TMC1: variants seen among roughly 807,000 people sequenced by gnomAD.
TMC1 encodes transmembrane channel-like protein 1.
Under a neutral mutation model 105.8 loss-of-function variants are expected in TMC1, and 84 were observed. The observed-to-expected ratio is 0.79, with a 90% CI of 0.67 to 0.95. The LOEUF (loss-of-function observed/expected upper bound fraction) is 0.95. TMC1 is among the 40% of genes least tolerant of loss of function. The pLI, the probability that TMC1 is intolerant of heterozygous loss-of-function variation, is 0.00. For synonymous variants in TMC1, 315 were observed against 311.5 expected, an observed-to-expected ratio of 1.01 and a Z score of -0.12; for missense variants, 817 against 914.1, an observed-to-expected ratio of 0.89 and a Z score of 1.37.
intron 1 of TMC1, among the ~76,000 whole-genome samples, chr9:72,554,320 C>T (rs1587953527): frequency 6.6e-6 from 1 of 152,252 alleles, no homozygotes. Context: ...AGCGTTGTTC[C>T]AGCTTACTGA....
chr9:72,588,775 A>ATTT (rs34222467), intron 2 of TMC1, among the ~76,000 whole-genome samples: 10 of 141,602 alleles, frequency 7.1e-5, no homozygotes, highest in Admixed American at 7.1e-5. Flanking sequence ...GAAAAACAAG[A>ATTT]TTTTTTTTTT....
intron 2 of TMC1, among the ~76,000 whole-genome samples, chr9:72,613,905 A>C (rs1457549860): frequency 6.6e-6 from 1 of 152,136 alleles, no homozygotes; most frequent in Non-Finnish European, 1.5e-5. Flanking sequence ...TAGGCTGGGC[A>C]GTGTGGCCAT....
At chr9:72,645,794 A>C (rs1825701714) in intron 4 of TMC1, among the ~76,000 whole-genome samples, 2 of 152,140 alleles carry the variant, frequency 1.3e-5, no homozygotes, top group South Asian at 4.1e-4. Context: ...TTGTTTTCTA[A>C]TCTTAAAATA....
At chr9:72,617,935 GTGTGTGTGTGTGTGTA>G (rs890762040) in intron 3 of TMC1, among the ~76,000 whole-genome samples, 4 of 139,494 alleles carry the variant, frequency 2.9e-5, no homozygotes, top group African/African-American at 8.3e-5. Context: ...GTGTGTGTGT[GTGTGTGTGTGTGTGTA>G]TGTGTGATTT....
chr9:72,724,025 A>G (rs909284029), intron 8 of TMC1, among the ~76,000 whole-genome samples: 1 of 152,228 alleles, frequency 6.6e-6, no homozygotes. Context: ...ATATGGTTGC[A>G]GAAGGATATT....
At chr9:72,592,323 G>A (rs973992186) in intron 2 of TMC1, among the ~76,000 whole-genome samples, 3 of 152,176 alleles carry the variant, frequency 2.0e-5, no homozygotes, top group Non-Finnish European at 2.9e-5. Context: ...AACCTGGAAG[G>A]GAAGATCATT....
At chr9:72,649,164 A>C (rs1161950321) in intron 5 of TMC1, among the ~76,000 whole-genome samples, 1 of 152,212 alleles carries the variant, frequency 6.6e-6, no homozygotes, top group Non-Finnish European at 1.5e-5. Flanking sequence ...TAGGATATTT[A>C]TGTGAAGGAA....
intron 12 of TMC1, among the ~76,000 whole-genome samples, chr9:72,770,994 C>G (rs944199716): frequency 1.3e-5 from 2 of 152,172 alleles, no homozygotes; most frequent in Non-Finnish European, 2.9e-5. Context: ...GGACACCCTC[C>G]CGGGCATACC....
At chr9:72,798,447 G>A (rs894589380) in intron 17 of TMC1, among the ~76,000 whole-genome samples, 2 of 151,958 alleles carry the variant, frequency 1.3e-5, no homozygotes, top group African/African-American at 4.8e-5. Flanking sequence ...GCAAATACAC[G>A]GAATCAACCT....
At chr9:72,630,204 T>C (rs1289983366) in intron 4 of TMC1, among the ~76,000 whole-genome samples, 3 of 152,246 alleles carry the variant, frequency 2.0e-5, no homozygotes, top group East Asian at 1.9e-4. Context: ...GTAAGAATCA[T>C]AATATTTTCC....
At chr9:72,533,987 GC>G (rs922922100) in intron 1 of TMC1, among the ~76,000 whole-genome samples, 56 of 152,114 alleles carry the variant, frequency 3.7e-4, no homozygotes, top group Non-Finnish European at 6.2e-4. Flanking sequence ...ACAAAAATTA[GC>G]CGGGTGTGAT....
Position 72,535,562 on chromosome 9 carries a change from C to T in TMC1, c.-428+13649C>T, listed in dbSNP as rs148075869. Among the ~76,000 whole-genome samples, 1,199 of 152,272 alleles carry T rather than the reference C, an allele frequency of 7.9e-3. 23 individuals are homozygous for T. Among genetic ancestry groups the T allele is most frequent in the African/African-American group, 0.027 (1,128 of 41,546 alleles). On this transcript the variant is annotated intron_variant, in intron 1 of 23. Transcript: ENST00000297784. The stretch of plus-strand genomic sequence containing the variant: ...CCATTTTACCTCTGAGATTAAATTG[C>T]AGCCACTCATCCTGAGTTTTGGTGT...
chr9:72,691,077 T>G (rs1293712981), intron 6 of TMC1, among the ~76,000 whole-genome samples: 1 of 152,138 alleles, frequency 6.6e-6, no homozygotes, highest in Non-Finnish European at 1.5e-5. Flanking sequence ...AATTCTTTCT[T>G]TTGCTTGATC....
chr9:72,654,129 G>T (rs1353417608), intron 5 of TMC1, among the ~76,000 whole-genome samples: 1 of 152,150 alleles, frequency 6.6e-6, no homozygotes, highest in African/African-American at 2.4e-5. Flanking sequence ...GTTTGGATTG[G>T]AATTGCTGGG....
chr9:72,819,016 C>A (rs545807449), intron 19 of TMC1, among the ~76,000 whole-genome samples: 1 of 152,134 alleles, frequency 6.6e-6, no homozygotes, highest in Non-Finnish European at 1.5e-5. Flanking sequence ...TTTTGAATTA[C>A]GTGCAAAATT....
At chr9:72,619,823 TAA>T (rs1564449049) in intron 3 of TMC1, among the ~76,000 whole-genome samples, 222 of 151,222 alleles carry the variant, frequency 1.5e-3, no homozygotes, top group South Asian at 4.2e-3. Flanking sequence ...ATTAATTAAT[TAA>T]TTAATTAATT....
intron 2 of TMC1, among the ~76,000 whole-genome samples, chr9:72,593,975 T>C (rs1308540480): frequency 2.0e-5 from 3 of 152,172 alleles, no homozygotes; most frequent in African/African-American, 7.2e-5. Context: ...GCTGCATCTA[T>C]GACGGGGAGA....
intron 19 of TMC1, among the ~76,000 whole-genome samples, chr9:72,818,208 G>T (rs534705064): frequency 1.3e-5 from 2 of 152,222 alleles, no homozygotes; most frequent in Admixed American, 1.3e-4. Flanking sequence ...AAAAATGTAC[G>T]GGGATGTTTT....
At chr9:72,794,620 A>G (rs1225287732) in intron 17 of TMC1, among the ~76,000 whole-genome samples, 2 of 152,218 alleles carry the variant, frequency 1.3e-5, no homozygotes, top group Non-Finnish European at 2.9e-5. Flanking sequence ...AAAGATGCCT[A>G]TTGACTGTAT....
Sources: allele counts gnomAD v4.1 joint callset (sites outside exome capture counted in the v4.1 genomes callset), GRCh38; gene constraint gnomAD v4.1.1; transcripts MANE v1.5; gene names NCBI Gene and HGNC (gene_info 2026-07-23, HGNC 2026-07-21).